LRRC56: variants seen among roughly 807,000 people sequenced by gnomAD.
The protein encoded by LRRC56 is leucine-rich repeat-containing protein 56.
LRRC56 carries 41 observed loss-of-function variants against 47.8 expected under a neutral mutation model. That is an observed-to-expected ratio of 0.86 (90% confidence interval 0.67 to 1.11). The LOEUF is 1.11. LRRC56 is among the 50% of genes most tolerant of loss of function. LRRC56 has a pLI of 0.00. For missense variants in LRRC56, 759 were observed against 704.2 expected (o/e 1.08, Z -0.88); for synonymous variants, 387 against 311.2 (o/e 1.24, Z -2.56).
At chr11:527,997 G>A in the LRRC56 span, among the ~76,000 whole-genome samples, 6 of 151,912 alleles carry the variant, frequency 3.9e-5, no homozygotes, top group East Asian at 1.9e-4. Flanking sequence ...CACCGCACCC[G>A]GCCAATTTTT....
At chr11:525,495 C>A in the LRRC56 span, among the ~76,000 whole-genome samples, 9 of 151,420 alleles carry the variant, frequency 5.9e-5, no homozygotes, top group African/African-American at 2.2e-4. Flanking sequence ...GCCGAGATCG[C>A]GCCACTGCAC....
At position 551,213 on chromosome 11, in the gene LRRC56, A is replaced by G. The variant is rs1852366800; in HGVS notation, c.707A>G (p.His236Arg). 6.5e-7 allele frequency: 1 copy of G among 1,546,808 alleles called. No homozygotes were observed. Residue 236 changes from histidine (H) to arginine (R), a missense_variant, in exon 9 of 14, where the codon CAC (histidine) becomes CGC (arginine). Coordinates refer to ENST00000270115, the MANE Select transcript of LRRC56 (RefSeq NM_198075.4). ...GTCCTGGACGAAGTGCCGGCCGCACACACAGGCCCACCGGCCCCCCCGCGG... is the reference window on the plus strand; with the variant it reads ...GTCCTGGACGAAGTGCCGGCCGCACGCACAGGCCCACCGGCCCCCCCGCGG... ...LQVLDEVPAA[H>R]TGPPAPPRLS...
At chr11:520,957 T>G in the LRRC56 span, among the ~76,000 whole-genome samples, 4 of 152,224 alleles carry the variant, frequency 2.6e-5, no homozygotes, top group African/African-American at 7.2e-5. Context: ...GTTATTCATC[T>G]CAGCTGCTGT....
the LRRC56 span, among the ~76,000 whole-genome samples, chr11:510,695 G>A: frequency 1.3e-5 from 2 of 151,754 alleles, no homozygotes; most frequent in African/African-American, 4.8e-5. Context: ...CCGAGATCAC[G>A]CCATTGCACT....
At position 540,764 on chromosome 11, in the gene LRRC56, G is replaced by T. The variant is rs777804958; in HGVS notation, c.80G>T (p.Gly27Val). The T allele has an allele frequency of 7.4e-6, 12 of 1,610,982 alleles. No individual in the cohort carries two copies. The South Asian group carries it at 1.1e-4, about 15-fold the overall frequency. The change falls in exon 4 of 14, where the codon GGC becomes GTC. Residue 27 changes from glycine (G) to valine (V), a missense_variant. Coordinates refer to ENST00000270115, the MANE Select transcript of LRRC56 (RefSeq NM_198075.4). ...CGGGTGCGGGAGCTGAGCTGGCAAG[G>T]CCTGCACAACCCCTGCCCACAGAGC... is the stretch of plus-strand genomic sequence containing the variant. The part of the protein sequence containing the change: ...SVRVRELSWQ[G>V]LHNPCPQSKG...
chr11:534,398 G>GCCAGGC (rs866868599), upstream of LRRC56: 112 of 1,230,144 alleles, frequency 9.1e-5, no homozygotes, highest in South Asian at 1.1e-3. Context: ...GCCCTGCTCA[G>GCCAGGC]CCAGGCCCAG....
chr11:551,876 C>T (rs772336643), intron 10 of LRRC56, 27 bp from the exon 11 acceptor site: 1 of 1,611,752 alleles, frequency 6.2e-7, no homozygotes, highest in Non-Finnish European at 8.5e-7. Flanking sequence ...GGCCCCGAAC[C>T]AGGCCCAGCC....
In LRRC56 at chr11:554,288, C is replaced by G. The variant is rs774938430; in HGVS notation, c.*12C>G. On this transcript the variant is annotated 3_prime_UTR_variant, in exon 14 of 14. Transcript: ENST00000270115. ...CCGTCCCCACTTAATATAGCCCCCA[C>G]TGCCAGGCTTCCCTGTGCTGGGGCC... is the stretch of plus-strand genomic sequence containing the variant. 2.0e-6 allele frequency: 3 copies of G among 1,476,598 alleles called. No homozygotes were observed. Among genetic ancestry groups the G allele is most frequent in the Non-Finnish European group, 2.7e-6 (3 of 1,117,686 alleles). The allele number at this position is 1,476,598 out of a possible 1,614,324, so 91.5% of individuals were successfully genotyped here.
chr11:552,333 G>T, intron 12 of LRRC56, 101 bp downstream of exon 12: 1 of 1,475,852 alleles, frequency 6.8e-7, no homozygotes, highest in Non-Finnish European at 9.2e-7. Context: ...CAAGGCTCGT[G>T]GACCATCCCT....
In LRRC56 at chr11:551,126, T is replaced by G; in HGVS notation, c.625-5T>G. 7.9e-6 allele frequency: 7 copies of G among 885,768 alleles called. No individual in the cohort carries two copies. The highest frequency in any genetic ancestry group is 9.4e-6 in the Non-Finnish European group (6 of 635,596). 54.9% of individuals were successfully genotyped at this position (885,768 alleles called of 1,614,324 possible). ...CCCTCCCTCCCCCTCCCCCTCCCCC[T>G]GCAGGTGCCCAGGGGCTACAACTAC... is the stretch of plus-strand genomic sequence containing the variant. On this transcript the variant is annotated splice_region_variant and splice_polypyrimidine_tract_variant and intron_variant, in intron 8 of 13. Transcript: ENST00000270115.
Position 541,535 on chromosome 11 carries a change from A to G in LRRC56, c.178-2A>G. The G allele has an allele frequency of 2.6e-6, 4 of 1,557,438 alleles. No individual in the cohort carries two copies. Among genetic ancestry groups the G allele is most frequent in the Non-Finnish European group, 3.5e-6 (4 of 1,149,092 alleles). ...GCGCTGACCCCCGGTTGGTTTCTAC[A>G]GCAGGCCCTGGCCCGGGTGGATGAC... On this transcript the variant is annotated splice_acceptor_variant, in intron 4 of 13. Transcript: ENST00000270115. LOFTEE classifies it high-confidence loss of function. The surrounding 1 kb of genome is among the most constrained non-coding windows in gnomAD (Gnocchi z 4.1).
intron 12 of LRRC56, among the ~76,000 whole-genome samples, 158 bp from the exon 13 acceptor site, chr11:552,411 C>T (rs997596477): frequency 8.6e-5 from 13 of 151,898 alleles, no homozygotes; most frequent in African/African-American, 3.1e-4. Flanking sequence ...GGTCCCAAGG[C>T]TCGTGGACCA....
chr11:519,292 G>C, the LRRC56 span, among the ~76,000 whole-genome samples: 2 of 139,660 alleles, frequency 1.4e-5, 1 homozygote, highest in Non-Finnish European at 3.2e-5. Flanking sequence ...ACACAGGTGA[G>C]CTTTATTAGA....
the LRRC56 span, among the ~76,000 whole-genome samples, chr11:511,171 A>G: frequency 7.3e-5 from 11 of 151,390 alleles, no homozygotes; most frequent in South Asian, 2.1e-4. Context: ...AATACAAAAA[A>G]TTAGCCGGGC....
intron 6 of LRRC56, among the ~76,000 whole-genome samples, chr11:548,674 G>C (rs1038288267): frequency 6.6e-6 from 1 of 152,128 alleles, no homozygotes; most frequent in East Asian, 1.9e-4. Context: ...TAACCAGGAC[G>C]GTCTAGATCT....
At chr11:516,027 C>T in the LRRC56 span, among the ~76,000 whole-genome samples, 1,722 of 152,232 alleles carry the variant, frequency 0.011, 14 homozygotes, top group Non-Finnish European at 0.018. Flanking sequence ...ACTCTCGATC[C>T]TCTATTCTGT....
At chr11:515,480 A>G in the LRRC56 span, among the ~76,000 whole-genome samples, 1 of 152,144 alleles carries the variant, frequency 6.6e-6, no homozygotes, top group South Asian at 2.1e-4. Context: ...CCCAAGTCAC[A>G]CTGACATCCT....
chr11:534,062 G>A, upstream of LRRC56: 3 of 1,255,358 alleles, frequency 2.4e-6, no homozygotes, highest in Non-Finnish European at 3.5e-6. Flanking sequence ...CTGGGGTGCT[G>A]AGACGAGGGA....
the LRRC56 span, among the ~76,000 whole-genome samples, chr11:515,489 C>T: frequency 6.6e-6 from 1 of 152,200 alleles, no homozygotes; most frequent in Non-Finnish European, 1.5e-5. Flanking sequence ...CACTGACATC[C>T]TCCTTTTCAT....
Sources: gnomAD v4.1 joint callset for allele counts (sites outside exome capture counted in the v4.1 genomes callset) on GRCh38, gnomAD v4.1.1 for gene constraint, Gnocchi (gnomAD v3.1) non-coding constraint, MANE v1.5 for transcripts, NCBI Gene and HGNC (gene_info 2026-07-23, HGNC 2026-07-21) for gene names.